Variants in MTREX observed in about 807,000 individuals in gnomAD.
MTREX encodes Mtr4 exosome RNA helicase.
In MTREX, 76 loss-of-function variants were observed where a neutral mutation model predicts 135.4. The observed-to-expected ratio is 0.56, with a 90% CI of 0.47 to 0.68. The LOEUF (loss-of-function observed/expected upper bound fraction) is 0.68, where lower values mean the gene tolerates loss of function less well. MTREX is among the 30% of genes least tolerant of loss of function. The probability of loss-of-function intolerance (pLI) is 0.00; values close to 1 mark genes in which losing one functional copy is unlikely to be tolerated. For synonymous variants in MTREX, 404 were observed against 401.6 expected (o/e 1.01, Z -0.07); for missense variants, 920 against 1,262.1 (o/e 0.73, Z 4.11).
chr5:55,382,800 T>G (rs900860400), intron 18 of MTREX, among the ~76,000 whole-genome samples: 4 of 151,972 alleles, frequency 2.6e-5, no homozygotes, highest in African/African-American at 9.7e-5. Context: ...ACCCAGCTAA[T>G]TTTTTGTATT....
intron 14 of MTREX, among the ~76,000 whole-genome samples, chr5:55,355,423 T>A (rs939347099): frequency 6.6e-6 from 1 of 152,124 alleles, no homozygotes; most frequent in Non-Finnish European, 1.5e-5. Context: ...TGAGACTCCC[T>A]TTAACCCCTC....
chr5:55,354,558 T>C (rs1248955535), intron 14 of MTREX, among the ~76,000 whole-genome samples: 2 of 152,212 alleles, frequency 1.3e-5, no homozygotes, highest in East Asian at 3.8e-4. Flanking sequence ...AGGCGAAACA[T>C]TTTTCATGAT....
chr5:55,375,180 C>T (rs1208620375), intron 16 of MTREX, among the ~76,000 whole-genome samples: 4 of 152,202 alleles, frequency 2.6e-5, no homozygotes, highest in African/African-American at 7.2e-5. Flanking sequence ...AATGAAGTTT[C>T]GGGCACCACT....
chr5:55,321,603 A>ATTTT (rs570546421), intron 1 of MTREX, among the ~76,000 whole-genome samples: 51 of 103,006 alleles, frequency 5.0e-4, no homozygotes, highest in Non-Finnish European at 6.6e-4. Context: ...CCAAACATCT[A>ATTTT]TTTTTTTTTT....
At chr5:55,339,424 TA>T (rs1340108744) in intron 5 of MTREX, among the ~76,000 whole-genome samples, 1 of 152,162 alleles carries the variant, frequency 6.6e-6, no homozygotes, top group East Asian at 1.9e-4. Flanking sequence ...GAATCTTAAA[TA>T]AGGAGGATCT....
At chr5:55,386,837 T>G (rs895614034) in intron 18 of MTREX, among the ~76,000 whole-genome samples, 2 of 152,100 alleles carry the variant, frequency 1.3e-5, no homozygotes, top group African/African-American at 4.8e-5. Context: ...GTTATGCATC[T>G]TATTCAGAGG....
intron 26 of MTREX, chr5:55,423,821 T>TGCTGAGTCAGTCACTAG (rs1320619486): frequency 6.6e-6 from 1 of 152,228 alleles, no homozygotes; most frequent in East Asian, 1.9e-4. Context: ...ACCACATTGT[T>TGCTGAGTCAGTCACTAG]GCTGAGTCAG....
At chr5:55,312,717 C>G (rs1188820728) in intron 1 of MTREX, among the ~76,000 whole-genome samples, 1 of 152,200 alleles carries the variant, frequency 6.6e-6, no homozygotes, top group Non-Finnish European at 1.5e-5. Context: ...ATACCTCCAT[C>G]TGTTACTGGA....
intron 26 of MTREX, chr5:55,423,513 G>A (rs1459518620): frequency 6.5e-6 from 1 of 152,792 alleles, no homozygotes; most frequent in Non-Finnish European, 1.5e-5. Context: ...AGGGGTTGAA[G>A]TGAGAAAGGA....
chr5:55,344,534 A>C lies in MTREX; in HGVS notation c.919A>C (p.Ile307Leu), dbSNP rs1342290862. ...CHLHKQPCHVIYTDYRPTPLQ... is the reference protein window; with the variant it reads ...CHLHKQPCHVLYTDYRPTPLQ... ...TTTCTTTTTACAGCCTTGTCATGTT[A>C]TTTACACAGATTATCGGCCCACTCC... The change falls in exon 9 of 27, where the codon ATT (isoleucine) becomes CTT (leucine). Residue 307 changes from isoleucine (I) to leucine (L), a missense_variant. Physicochemically the swap from Ile to Leu is conservative, Grantham distance 5 (BLOSUM62 2). Coordinates refer to ENST00000230640, the MANE Select transcript of MTREX (RefSeq NM_015360.5). The C allele has an allele frequency of 1.9e-6, 3 of 1,607,576 alleles. No homozygotes were observed. Among genetic ancestry groups the C allele is most frequent in the Non-Finnish European group, 2.6e-6 (3 of 1,174,664 alleles).
At chr5:55,357,724 G>GT (rs1158891785) in intron 14 of MTREX, among the ~76,000 whole-genome samples, 3 of 152,154 alleles carry the variant, frequency 2.0e-5, no homozygotes, top group African/African-American at 7.2e-5. Context: ...TTGAGTTACA[G>GT]TTTTTTTAAA....
At chr5:55,312,813 C>T (rs1012120046) in intron 1 of MTREX, among the ~76,000 whole-genome samples, 5 of 152,052 alleles carry the variant, frequency 3.3e-5, no homozygotes, top group African/African-American at 1.2e-4. Context: ...GCTGTTGTGT[C>T]TTTTTGACAA....
intron 13 of MTREX, among the ~76,000 whole-genome samples, chr5:55,352,645 A>ATTG (rs1378578274): frequency 6.6e-6 from 1 of 152,182 alleles, no homozygotes; most frequent in East Asian, 1.9e-4. Context: ...ATGATGAACT[A>ATTG]AAATATTTTT....
chr5:55,388,318 G>A (rs916929870), intron 19 of MTREX, among the ~76,000 whole-genome samples: 5 of 152,042 alleles, frequency 3.3e-5, no homozygotes, highest in African/African-American at 1.2e-4. Flanking sequence ...ATTACAACAA[G>A]ATAAATCGTG....
rs1286249139 is a variant in MTREX, at chr5:55,425,112, T to A, written c.*340T>A. On this transcript the variant is annotated 3_prime_UTR_variant, in exon 27 of 27. Coordinates refer to ENST00000230640, the MANE Select transcript of MTREX (RefSeq NM_015360.5). ...AGCAGCAGCAGAAGTCTTTAAAGGC[T>A]TGTACACCAGGAAGAAAGATGCATC... 3 of 1,471,906 alleles carry A rather than the reference T, an allele frequency of 2.0e-6. No homozygotes were observed. The African/African-American group carries it at 4.2e-5, about 21-fold the overall frequency. The allele number at this position is 1,471,906 out of a possible 1,614,324, so 91.2% of individuals were successfully genotyped here.
intron 8 of MTREX, 49 bp downstream of exon 8, chr5:55,343,504 AT>A (rs1749684354): frequency 6.5e-7 from 1 of 1,535,814 alleles, no homozygotes; most frequent in African/African-American, 1.4e-5. Context: ...AATGTTACAG[AT>A]TAGTCTTGCT....
chr5:55,361,912 G>GTTTGTTTGTTTGGT (rs57156858), intron 15 of MTREX, among the ~76,000 whole-genome samples: 222 of 150,508 alleles, frequency 1.5e-3, no homozygotes, highest in African/African-American at 5.2e-3. Context: ...TTGTTTGTTT[G>GTTTGTTTGTTTGGT]TTTGTTTTTG....
intron 22 of MTREX, among the ~76,000 whole-genome samples, chr5:55,407,823 G>A (rs1750830161): frequency 6.6e-6 from 1 of 151,776 alleles, no homozygotes; most frequent in African/African-American, 2.4e-5. Flanking sequence ...GTGCAATCTC[G>A]GCTCACCGCA....
chr5:55,400,731 C>T (rs1009184614), intron 21 of MTREX, among the ~76,000 whole-genome samples: 5 of 152,190 alleles, frequency 3.3e-5, no homozygotes, highest in Admixed American at 1.3e-4. Context: ...AGTGTATTCA[C>T]AGATACTTGC....
Sources: gnomAD v4.1 joint callset for allele counts (sites outside exome capture counted in the v4.1 genomes callset) on GRCh38, gnomAD v4.1.1 for gene constraint, MANE v1.5 for transcripts, NCBI Gene and HGNC (gene_info 2026-07-23, HGNC 2026-07-21) for gene names.